Variants in DGKB observed in about 807,000 individuals in gnomAD.
DGKB encodes 90 kDa diacylglycerol kinase.
Under a neutral mutation model 114.3 loss-of-function variants are expected in DGKB, and 67 were observed. The observed-to-expected ratio is 0.59, with a 90% CI of 0.48 to 0.72. The LOEUF (loss-of-function observed/expected upper bound fraction) is 0.72. DGKB is among the 30% of genes least tolerant of loss of function. The pLI is 0.00. For synonymous variants in DGKB, 398 were observed against 323.1 expected, an observed-to-expected ratio of 1.23 and a Z score of -2.49; for missense variants, 907 against 975.2, an observed-to-expected ratio of 0.93 and a Z score of 0.93.
chr7:14,615,574 G>C lies in DGKB; in HGVS notation c.1285-2161C>G, dbSNP rs184148117. Among the ~76,000 whole-genome samples, 834 of 151,902 alleles carry C rather than the reference G, an allele frequency of 5.5e-3. 8 individuals carry two copies. The highest frequency in any genetic ancestry group is 0.019 in the African/African-American group (784 of 41,538). ...TTAGGGGTAGTTAAATGGAGAAACAGATTAAATGTATTAGAAAAATCAGAG... is the reference window on the plus strand; with the variant it reads ...TTAGGGGTAGTTAAATGGAGAAACACATTAAATGTATTAGAAAAATCAGAG... On this transcript the variant is annotated intron_variant, in intron 15 of 25. Coordinates refer to ENST00000402815, the MANE Select transcript of DGKB (RefSeq NM_001350709.2).
At chr7:14,445,151 T>A (rs1302848684) in intron 21 of DGKB, among the ~76,000 whole-genome samples, 20 of 151,882 alleles carry the variant, frequency 1.3e-4, no homozygotes. Context: ...TCTCTCTTGT[T>A]CCTTTATTCT....
At chr7:14,479,810 G>A (rs1162276953) in intron 20 of DGKB, among the ~76,000 whole-genome samples, 2 of 152,044 alleles carry the variant, frequency 1.3e-5, no homozygotes, top group African/African-American at 2.4e-5. Context: ...ATTTTGAAAT[G>A]CACTTACTTT....
At chr7:14,395,277 G>A (rs976916432) in intron 21 of DGKB, among the ~76,000 whole-genome samples, 1 of 151,856 alleles carries the variant, frequency 6.6e-6, no homozygotes, top group Non-Finnish European at 1.5e-5. Context: ...GAAATATTTT[G>A]ACTAGTATCT....
chr7:14,297,706 G>T (rs1022688899), intron 23 of DGKB, among the ~76,000 whole-genome samples: 4 of 152,106 alleles, frequency 2.6e-5, no homozygotes, highest in African/African-American at 9.7e-5. Flanking sequence ...TCTGGCCAGG[G>T]CAATCAGGCA....
chr7:14,505,076 G>C lies in DGKB; in HGVS notation c.1771-26851C>G, dbSNP rs138399195. On this transcript the variant is annotated intron_variant, in intron 20 of 25. Transcript: ENST00000402815. ...AACCCCTGGCCTCACTGAAGGCATA[G>C]AGCTTAGATATAATGTTCCATTCCT... 3.7e-3 allele frequency among the ~76,000 whole-genome samples: 558 copies of C among 152,254 alleles called. 3 individuals are homozygous for C. The highest frequency in any genetic ancestry group is 0.013 in the African/African-American group (541 of 41,562).
At chr7:14,488,557 C>T (rs1034968342) in intron 20 of DGKB, among the ~76,000 whole-genome samples, 2 of 151,484 alleles carry the variant, frequency 1.3e-5, no homozygotes, top group Non-Finnish European at 2.9e-5. Context: ...CAGTGGCTCA[C>T]GCCTGTTATC....
At chr7:14,533,057 C>T (rs1245108410) in intron 20 of DGKB, among the ~76,000 whole-genome samples, 2 of 151,694 alleles carry the variant, frequency 1.3e-5, no homozygotes, top group Admixed American at 6.6e-5. Context: ...TACAAAGTAC[C>T]TGTCAAAGAA....
At chr7:14,518,698 T>G (rs1343516637) in intron 20 of DGKB, among the ~76,000 whole-genome samples, 1 of 151,900 alleles carries the variant, frequency 6.6e-6, no homozygotes, top group Non-Finnish European at 1.5e-5. Flanking sequence ...GGCTCTTAAA[T>G]TTTAGCATAT....
chr7:14,691,525 T>C (rs1822862700), intron 9 of DGKB, among the ~76,000 whole-genome samples: 1 of 152,176 alleles, frequency 6.6e-6, no homozygotes. Flanking sequence ...TTCTCATCAC[T>C]CAGTTGTCTT....
chr7:14,638,315 T>C (rs2128868230), intron 13 of DGKB, among the ~76,000 whole-genome samples: 1 of 152,292 alleles, frequency 6.6e-6, no homozygotes, highest in East Asian at 1.9e-4. Flanking sequence ...TCCACTAACA[T>C]TTCCTCATCA....
At chr7:14,440,728 A>G (rs746201039) in intron 21 of DGKB, among the ~76,000 whole-genome samples, 17 of 152,170 alleles carry the variant, frequency 1.1e-4, no homozygotes, top group Non-Finnish European at 1.0e-4. Flanking sequence ...AAGTATCCTT[A>G]TACATACCTA....
Position 14,166,317 on chromosome 7 carries a change from C to G in DGKB, c.2304+10522G>C, listed in dbSNP as rs546632017. 5.9e-5 allele frequency among the ~76,000 whole-genome samples: 9 copies of G among 152,108 alleles called. No homozygotes were observed. The South Asian group carries it at 1.9e-3, about 32-fold the overall frequency. On this transcript the variant is annotated intron_variant, in intron 25 of 25. Coordinates refer to ENST00000402815, the MANE Select transcript of DGKB (RefSeq NM_001350709.2). ...TCTCAAACTGCTTAAATCTGGGGCA[C>G]AAGAGTAGAAAAAATATCAGTGATG...
At chr7:14,364,404 A>G (rs1408351135) in intron 21 of DGKB, among the ~76,000 whole-genome samples, 1 of 151,968 alleles carries the variant, frequency 6.6e-6, no homozygotes, top group Non-Finnish European at 1.5e-5. Context: ...AAGGAAAAAA[A>G]AAGAAAGAAG....
intron 9 of DGKB, among the ~76,000 whole-genome samples, chr7:14,686,969 T>C (rs889037763): frequency 6.6e-6 from 1 of 152,210 alleles, no homozygotes; most frequent in Non-Finnish European, 1.5e-5. Context: ...TTGCTTACTA[T>C]ACTTACAGTA....
At chr7:14,666,971 C>T (rs1818139531) in intron 13 of DGKB, among the ~76,000 whole-genome samples, 2 of 151,958 alleles carry the variant, frequency 1.3e-5, no homozygotes, top group South Asian at 4.2e-4. Context: ...TGAATGAAAA[C>T]ACCATATGAT....
At chr7:14,181,660 G>T (rs1289170381) in intron 23 of DGKB, among the ~76,000 whole-genome samples, 4 of 152,148 alleles carry the variant, frequency 2.6e-5, no homozygotes, top group Non-Finnish European at 5.9e-5. Context: ...GATTCAGGTG[G>T]GAAACAGCTC....
chr7:14,539,246 T>C (rs1793022956), intron 20 of DGKB, among the ~76,000 whole-genome samples: 1 of 152,160 alleles, frequency 6.6e-6, no homozygotes, highest in Non-Finnish European at 1.5e-5. Context: ...TGAGAATGTA[T>C]ACATATGTCT....
At chr7:14,232,189 A>G (rs188287969) in intron 23 of DGKB, among the ~76,000 whole-genome samples, 219 of 152,060 alleles carry the variant, frequency 1.4e-3, no homozygotes, top group African/African-American at 5.1e-3. Flanking sequence ...GTAAAAGGCT[A>G]AAGGAGATTA....
At chr7:14,939,140 T>C (rs1025895080) in intron 1 of DGKB, among the ~76,000 whole-genome samples, 1 of 152,198 alleles carries the variant, frequency 6.6e-6, no homozygotes, top group Non-Finnish European at 1.5e-5. Context: ...CTGCCTATAT[T>C]ACCCTAAATT....
Sources: allele counts gnomAD v4.1 joint callset (sites outside exome capture counted in the v4.1 genomes callset), GRCh38; gene constraint gnomAD v4.1.1; transcripts MANE v1.5; gene names NCBI Gene and HGNC (gene_info 2026-07-23, HGNC 2026-07-21).